Variants in ZNF334 observed in about 807,000 individuals in gnomAD.
The protein encoded by ZNF334 is zinc finger protein 334.
A neutral mutation model predicts 12.4 loss-of-function variants in ZNF334; 14 were observed. The observed-to-expected ratio is 1.13, with a 90% CI of 0.74 to 1.76. ZNF334 has a LOEUF of 1.76. Ranked by LOEUF, ZNF334 falls within the 40% of genes most tolerant of loss-of-function variation. The pLI, the probability that ZNF334 is intolerant of heterozygous loss-of-function variation, is 0.00. For missense variants in ZNF334, 797 were observed against 804.5 expected, an observed-to-expected ratio of 0.99 and a Z score of 0.11; for synonymous variants, 273 against 269.6, an observed-to-expected ratio of 1.01 and a Z score of -0.12.
chr20:46,495,500 C>T (rs182617244), downstream of ZNF334, among the ~76,000 whole-genome samples: 6 of 152,152 alleles, frequency 3.9e-5, no homozygotes, highest in African/African-American at 1.2e-4. Flanking sequence ...GGAGTCAGCA[C>T]AGAATATGAT....
chr20:46,469,033 G>C, the ZNF334 span, among the ~76,000 whole-genome samples: 1 of 152,122 alleles, frequency 6.6e-6, no homozygotes, highest in African/African-American at 2.4e-5. Flanking sequence ...TGACAGTACT[G>C]ATTTCTCTAG....
chr20:46,486,871 T>C, the ZNF334 span, among the ~76,000 whole-genome samples: 9 of 152,194 alleles, frequency 5.9e-5, no homozygotes, highest in African/African-American at 2.2e-4. Context: ...TTAATTCTCA[T>C]TTCCCTAATA....
intron 2 of ZNF334, among the ~76,000 whole-genome samples, chr20:46,507,862 C>A (rs989442742): frequency 2.6e-5 from 4 of 152,154 alleles, no homozygotes; most frequent in Admixed American, 2.0e-4. Context: ...TCTGAAGGAC[C>A]TATAAGCTTC....
chr20:46,506,954 A>AAT (rs1234300581), intron 2 of ZNF334, among the ~76,000 whole-genome samples: 6 of 146,994 alleles, frequency 4.1e-5, no homozygotes, highest in African/African-American at 1.5e-4. Context: ...TCTCAAAAAA[A>AAT]TTTTTTTTTT....
At chr20:46,483,011 T>TA in the ZNF334 span, among the ~76,000 whole-genome samples, 1 of 152,200 alleles carries the variant, frequency 6.6e-6, no homozygotes, top group African/African-American at 2.4e-5. Context: ...CATGCACCTT[T>TA]AACCATGTGA....
chr20:46,508,828 A>T (rs923152501), intron 2 of ZNF334, among the ~76,000 whole-genome samples: 6 of 152,250 alleles, frequency 3.9e-5, no homozygotes, highest in Non-Finnish European at 8.8e-5. Context: ...GTTTATAATG[A>T]TCTGAGCCTA....
chr20:46,494,963 T>C (rs1387328808), downstream of ZNF334, among the ~76,000 whole-genome samples: 2 of 152,196 alleles, frequency 1.3e-5, no homozygotes, highest in Non-Finnish European at 2.9e-5. Context: ...GATAAAAGAA[T>C]AGCCATCATG....
chr20:46,480,027 T>G, the ZNF334 span, among the ~76,000 whole-genome samples: 1 of 152,344 alleles, frequency 6.6e-6, no homozygotes. Flanking sequence ...TGTATTGATC[T>G]ATGTCTTTGC....
At chr20:46,470,639 C>A in the ZNF334 span, among the ~76,000 whole-genome samples, 6 of 152,122 alleles carry the variant, frequency 3.9e-5, no homozygotes, top group African/African-American at 1.4e-4. Context: ...CTTTAACCAC[C>A]CAAGCATGCA....
the ZNF334 span, chr20:46,464,351 C>A: frequency 1.9e-6 from 1 of 521,418 alleles, no homozygotes; most frequent in South Asian, 1.5e-5. Flanking sequence ...TATGATCTTG[C>A]TCTCAAATAG....
the ZNF334 span, among the ~76,000 whole-genome samples, chr20:46,488,906 T>C: frequency 6.6e-6 from 1 of 151,908 alleles, no homozygotes; most frequent in Non-Finnish European, 1.5e-5. Flanking sequence ...CTCTGTGCCA[T>C]GTACATAACG....
chr20:46,504,771 A>T, intron 2 of ZNF334, 31 bp from the exon 3 acceptor site: 1 of 1,569,862 alleles, frequency 6.4e-7, no homozygotes, highest in African/African-American at 1.4e-5. Flanking sequence ...TTGGGTGACC[A>T]AAATTGAGTG....
chr20:46,502,714 A>T lies in ZNF334; in HGVS notation c.625T>A (p.Phe209Ile). Residue 209 changes from phenylalanine (F) to isoleucine (I), a missense_variant, in exon 5 of 5, where the codon TTT (phenylalanine) becomes ATT (isoleucine). Coordinates refer to ENST00000692313, the MANE Select transcript of ZNF334 (RefSeq NM_001353824.2). The part of the protein sequence containing the change: ...HQNIQILKQP[F>I]DYNKCGKTFF... ...GTTTTCCCACATTTATTATAGTCAAACGGTTGTTTCAAAATCTGAATGTTC... is the reference window on the plus strand; with the variant it reads ...GTTTTCCCACATTTATTATAGTCAATCGGTTGTTTCAAAATCTGAATGTTC... 6.2e-7 allele frequency: 1 copy of T among 1,613,358 alleles called. No homozygotes were observed. Among genetic ancestry groups the T allele is most frequent in the Non-Finnish European group, 8.5e-7 (1 of 1,179,956 alleles).
At position 46,502,075 on chromosome 20, in the gene ZNF334, C is replaced by T. The variant is rs1324305478; in HGVS notation, c.1264G>A (p.Val422Met). The T allele has an allele frequency of 6.2e-7, 1 of 1,614,170 alleles. No homozygotes were observed. ...TCTCCTGTATGACTTCTTCGATGCA[C>T]ATTGAGGGCAGATTGACAAAAGAAG... ...KTFFCQSALNVHRRSHTGEKP... is the reference protein window; with the variant it reads ...KTFFCQSALNMHRRSHTGEKP... Residue 422 changes from valine to methionine, a missense_variant, in exon 5 of 5, where the codon GTG becomes ATG. Physicochemically the swap from Val to Met is conservative, Grantham distance 21 (BLOSUM62 1). Coordinates refer to ENST00000692313, the MANE Select transcript of ZNF334 (RefSeq NM_001353824.2).
the ZNF334 span, chr20:46,464,856 C>T: frequency 1.8e-6 from 1 of 540,586 alleles, no homozygotes; most frequent in Non-Finnish European, 3.8e-6. Context: ...TCAGCTTCGC[C>T]TGTATTCATT....
At chr20:46,509,561 A>G in intron 2 of ZNF334, 3 of 703,070 alleles carry the variant, frequency 4.3e-6, no homozygotes, top group Non-Finnish European at 7.8e-6. Flanking sequence ...TAACCTTGAA[A>G]TAGTGCACAG....
chr20:46,509,096 T>G (rs1015052385), intron 2 of ZNF334, among the ~76,000 whole-genome samples: 2 of 152,238 alleles, frequency 1.3e-5, no homozygotes, highest in Admixed American at 6.5e-5. Flanking sequence ...AAAAGTAATC[T>G]GTATAAACAC....
intron 2 of ZNF334, chr20:46,506,500 G>A (rs1601048684): frequency 2.5e-6 from 1 of 397,834 alleles, no homozygotes; most frequent in Non-Finnish European, 4.4e-6. Context: ...ATGGTGGCAT[G>A]TGCTACTCGG....
chr20:46,464,586 A>G, the ZNF334 span: 1 of 411,438 alleles, frequency 2.4e-6, no homozygotes, highest in Non-Finnish European at 4.8e-6. Context: ...GGCAGCATCC[A>G]TTGGAGGTAG....
Sources: allele counts gnomAD v4.1 joint callset (sites outside exome capture counted in the v4.1 genomes callset), GRCh38; gene constraint gnomAD v4.1.1; transcripts MANE v1.5; gene names NCBI Gene and HGNC (gene_info 2026-07-23, HGNC 2026-07-21).